Variants in LAMA2 observed in about 807,000 individuals in gnomAD.
LAMA2 encodes laminin subunit alpha 2.
Under a neutral mutation model 364.8 loss-of-function variants are expected in LAMA2, and 269 were observed. That is an observed-to-expected ratio of 0.74 (90% confidence interval 0.67 to 0.82). LAMA2 has a LOEUF of 0.82. LAMA2 is among the 40% of genes least tolerant of loss of function. The pLI, the probability that LAMA2 is intolerant of heterozygous loss-of-function variation, is 0.00. For missense variants in LAMA2, 3,807 were observed against 3,873.2 expected, an observed-to-expected ratio of 0.98 and a Z score of 0.45; for synonymous variants, 1,379 against 1,370.6, an observed-to-expected ratio of 1.01 and a Z score of -0.14.
At chr6:128,952,227 G>GA (rs1251516641) in intron 1 of LAMA2, among the ~76,000 whole-genome samples, 1 of 151,844 alleles carries the variant, frequency 6.6e-6, no homozygotes, top group Non-Finnish European at 1.5e-5. Flanking sequence ...AATTAAAAAA[G>GA]AAAAAATACT....
chr6:129,305,543 T>G (rs1669574186), intron 22 of LAMA2, among the ~76,000 whole-genome samples: 1 of 152,120 alleles, frequency 6.6e-6, no homozygotes, highest in Non-Finnish European at 1.5e-5. Context: ...CATGCTTGTC[T>G]CAAAGTCCTG....
chr6:129,304,349 C>T (rs371494802), intron 22 of LAMA2, among the ~76,000 whole-genome samples: 62 of 152,106 alleles, frequency 4.1e-4, no homozygotes, highest in African/African-American at 1.4e-3. Flanking sequence ...CTGCCAGCTC[C>T]GCCTCCCGGG....
At chr6:128,981,156 C>T (rs868514551) in intron 1 of LAMA2, among the ~76,000 whole-genome samples, 2 of 152,234 alleles carry the variant, frequency 1.3e-5, no homozygotes, top group Middle Eastern at 3.4e-3. Flanking sequence ...TCGGTCCCTA[C>T]ATACTTCCTG....
At chr6:129,124,134 G>T (rs943668029) in intron 4 of LAMA2, among the ~76,000 whole-genome samples, 2 of 152,090 alleles carry the variant, frequency 1.3e-5, no homozygotes, top group Admixed American at 6.5e-5. Context: ...CTAACTTGTG[G>T]TGTTTTCTTG....
chr6:129,175,909 A>G (rs1239409257), intron 9 of LAMA2, among the ~76,000 whole-genome samples: 1 of 151,810 alleles, frequency 6.6e-6, no homozygotes, highest in African/African-American at 2.4e-5. Flanking sequence ...CTCTTTTGAT[A>G]CCCTTGATTA....
chr6:129,220,522 G>T (rs1002586497), intron 12 of LAMA2, among the ~76,000 whole-genome samples: 3 of 152,168 alleles, frequency 2.0e-5, no homozygotes, highest in African/African-American at 7.2e-5. Context: ...AATTATTGTT[G>T]GTCTATCAAT....
At chr6:129,016,432 A>G (rs1785077428) in intron 1 of LAMA2, among the ~76,000 whole-genome samples, 1 of 152,060 alleles carries the variant, frequency 6.6e-6, no homozygotes, top group African/African-American at 2.4e-5. Context: ...AAATAACCAA[A>G]TGACATCGCT....
chr6:129,370,874 G>A (rs1332767366), intron 34 of LAMA2, among the ~76,000 whole-genome samples: 1 of 152,094 alleles, frequency 6.6e-6, no homozygotes, highest in Non-Finnish European at 1.5e-5. Context: ...GCCTGCTGTC[G>A]GTTTAGGAAA....
intron 1 of LAMA2, among the ~76,000 whole-genome samples, chr6:128,975,909 G>A (rs547544264): frequency 6.6e-6 from 1 of 152,290 alleles, no homozygotes; most frequent in South Asian, 2.1e-4. Flanking sequence ...GCATTAGAGG[G>A]AAAGAGTGGG....
At chr6:129,374,459 A>G (rs1583601062) in intron 34 of LAMA2, among the ~76,000 whole-genome samples, 1 of 152,316 alleles carries the variant, frequency 6.6e-6, no homozygotes, top group Middle Eastern at 3.4e-3. Flanking sequence ...GTAGAGTCAG[A>G]CCACTGGGAT....
At chr6:129,319,552 A>G (rs545696156) in intron 27 of LAMA2, among the ~76,000 whole-genome samples, 1 of 152,336 alleles carries the variant, frequency 6.6e-6, no homozygotes, top group East Asian at 1.9e-4. Flanking sequence ...AAACAATGTT[A>G]ATTATCTTGA....
At position 129,516,533 on chromosome 6, in the gene LAMA2, A is replaced by G. The variant is rs957482592; in HGVS notation, c.*186A>G. ...TTAATTCAAGTTCTTTCTCAAGTCT[A>G]TAAATAATATTAAACTGATTATTTC... On this transcript the variant is annotated 3_prime_UTR_variant, in exon 65 of 65. Coordinates refer to ENST00000421865, the MANE Select transcript of LAMA2 (RefSeq NM_000426.4). The G allele has an allele frequency of 1.3e-5, 7 of 548,312 alleles. No homozygotes were observed. The Admixed American group carries it at 2.5e-4, about 20-fold the overall frequency. The allele number at this position is 548,312 out of a possible 1,614,324, so 34.0% of individuals were successfully genotyped here. A position where few individuals can be genotyped will look rare whatever the true frequency, so the allele number is the denominator to read the frequency against.
intron 1 of LAMA2, among the ~76,000 whole-genome samples, chr6:128,941,207 G>A (rs1780131991): frequency 6.6e-6 from 1 of 152,192 alleles, no homozygotes; most frequent in African/African-American, 2.4e-5. Context: ...TCACAGTTAG[G>A]TGGAGCATTT....
chr6:129,295,292 T>TTTA (rs1773096517), intron 20 of LAMA2, among the ~76,000 whole-genome samples: 1 of 151,942 alleles, frequency 6.6e-6, no homozygotes, highest in Admixed American at 6.6e-5. Context: ...GGTTTAGAAT[T>TTTA]GTGCTTTGCA....
intron 18 of LAMA2, among the ~76,000 whole-genome samples, chr6:129,286,966 A>AG (rs1789286139): frequency 1.5e-3 from 1 of 656 alleles, no homozygotes; most frequent in Non-Finnish European, 0.12. Context: ...ACAAAGAAAG[A>AG]AAGAAACAGA....
rs2114276173 is a variant in LAMA2, at chr6:129,250,117, A to G, written c.1788A>G (p.Pro596=). Residue 596 remains proline, a synonymous_variant, in exon 13 of 65, where the codon CCA becomes CCG. Coordinates refer to ENST00000421865, the MANE Select transcript of LAMA2 (RefSeq NM_000426.4). ...APAPYLGNKL[P]AVGGQLTFTI... ...ATGCATCTTCTGTCTTGTAGCTCCC[A>G]GCAGTAGGAGGACAGTTGACATTTA... The G allele has an allele frequency of 1.3e-6, 2 of 1,591,478 alleles. No homozygotes were observed. Among genetic ancestry groups the G allele is most frequent in the Non-Finnish European group, 8.6e-7 (1 of 1,159,814 alleles).
intron 22 of LAMA2, among the ~76,000 whole-genome samples, chr6:129,312,187 C>G (rs1774270671): frequency 6.6e-6 from 1 of 151,288 alleles, no homozygotes; most frequent in African/African-American, 2.4e-5. Flanking sequence ...TCAGAAAATT[C>G]TAGCAAAAAT....
chr6:129,353,179 T>C lies in LAMA2; in HGVS notation c.4539T>C (p.Tyr1513=), dbSNP rs920790415. The C allele has an allele frequency of 3.1e-6, 5 of 1,613,634 alleles. No individual in the cohort carries two copies. The highest frequency in any genetic ancestry group is 2.7e-5 in the African/African-American group (2 of 74,920). The change falls in exon 32 of 65, where the codon TAT becomes TAC. Residue 1513 remains tyrosine, a synonymous_variant. Coordinates refer to ENST00000421865, the MANE Select transcript of LAMA2 (RefSeq NM_000426.4). The stretch of plus-strand genomic sequence containing the variant: ...TTCAATTCAGGTGTGCCCCTGGCTA[T>C]ACTGGCAGTCCAGGCAACCCTGGAG... ...GQYCERCAPG[Y]TGSPGNPGGS...
At chr6:129,158,960 TC>T in intron 8 of LAMA2, 1 of 1,589,660 alleles carries the variant, frequency 6.3e-7, no homozygotes, top group Non-Finnish European at 8.6e-7. Flanking sequence ...AGGCAAGGTA[TC>T]CTCTGGTGCT....
Sources: gnomAD v4.1 joint callset for allele counts (sites outside exome capture counted in the v4.1 genomes callset) on GRCh38, gnomAD v4.1.1 for gene constraint, MANE v1.5 for transcripts, NCBI Gene and HGNC (gene_info 2026-07-23, HGNC 2026-07-21) for gene names.